Variants in NUP210 observed in about 807,000 individuals in gnomAD.
NUP210 encodes nucleoporin 210, also known as nuclear pore membrane glycoprotein 210.
In NUP210, 151 loss-of-function variants were observed where a neutral mutation model predicts 196.0. The ratio of observed to expected loss-of-function variants is 0.77; its 90% CI spans 0.67 to 0.88. The LOEUF (loss-of-function observed/expected upper bound fraction) is 0.88. NUP210 is among the 40% of genes least tolerant of loss of function. NUP210 has a pLI of 0.00. For synonymous variants in NUP210, 1,070 were observed against 1,052.7 expected (o/e 1.02, Z -0.32); for missense variants, 2,314 against 2,493.7 (o/e 0.93, Z 1.53).
rs1699507388 is a variant in NUP210 at position 13,392,025 on chromosome 3, C to T, written c.437-718G>A. ...CCCTCTGAGAGCCAGAAGCTGCTCGCCCTCTCTAGAAGGGGCCATGCCACA... is the reference window on the plus strand; with the variant it reads ...CCCTCTGAGAGCCAGAAGCTGCTCGTCCTCTCTAGAAGGGGCCATGCCACA... On this transcript the variant is annotated intron_variant, in intron 3 of 39. Coordinates refer to ENST00000254508, the MANE Select transcript of NUP210 (RefSeq NM_024923.4). 3.9e-5 allele frequency among the ~76,000 whole-genome samples: 6 copies of T among 152,270 alleles called. No homozygotes were observed. The South Asian group carries it at 1.2e-3, about 32-fold the overall frequency.
intron 9 of NUP210, 26 bp downstream of exon 9, chr3:13,377,430 C>A (rs778012400): frequency 1.7e-5 from 26 of 1,541,334 alleles, no homozygotes; most frequent in East Asian, 2.3e-5. Flanking sequence ...CTCATCCCCC[C>A]AGCCAGGACC....
intron 29 of NUP210, among the ~76,000 whole-genome samples, chr3:13,332,079 G>A (rs1697017967): frequency 6.6e-6 from 1 of 152,098 alleles, no homozygotes; most frequent in African/African-American, 2.4e-5. Flanking sequence ...TAGGCTACAA[G>A]GAGGAAAAAG....
At chr3:13,380,442 G>A (rs9310422) in intron 6 of NUP210, among the ~76,000 whole-genome samples, 94,729 of 152,098 alleles carry the variant, frequency 0.62, 31,094 homozygotes, top group African/African-American at 0.85. Flanking sequence ...CTGGGAACAC[G>A]CTACTGAGAG....
chr3:13,333,841 G>C (rs959051088), intron 28 of NUP210, among the ~76,000 whole-genome samples: 1 of 152,136 alleles, frequency 6.6e-6, no homozygotes, highest in African/African-American at 2.4e-5. Flanking sequence ...TTTAGATGGA[G>C]GGGGAGTTGT....
At chr3:13,399,265 CAAAAAAAAAA>C (rs35136269) in intron 2 of NUP210, among the ~76,000 whole-genome samples, 2 of 65,344 alleles carry the variant, frequency 3.1e-5, no homozygotes, top group African/African-American at 1.1e-4. Context: ...GACTCTGTCT[CAAAAAAAAAA>C]AAAAAAAAAA....
intron 25 of NUP210, 62 bp from the exon 26 acceptor site, chr3:13,337,979 A>G (rs374650184): frequency 2.0e-6 from 3 of 1,496,448 alleles, no homozygotes; most frequent in African/African-American, 2.8e-5. Flanking sequence ...TGTTTCAGGA[A>G]GGGACCCCTC....
At chr3:13,338,640 T>C (rs143750197) in intron 25 of NUP210, among the ~76,000 whole-genome samples, 16 of 152,350 alleles carry the variant, frequency 1.1e-4, no homozygotes, top group Admixed American at 2.0e-4. Context: ...GTGCTGGTTG[T>C]GTGCTCTGGA....
intron 3 of NUP210, among the ~76,000 whole-genome samples, chr3:13,393,234 C>A (rs1031666268): frequency 6.6e-6 from 1 of 152,132 alleles, no homozygotes; most frequent in Non-Finnish European, 1.5e-5. Flanking sequence ...CACAACGGTC[C>A]GCTTATGGAC....
intron 1 of NUP210, among the ~76,000 whole-genome samples, chr3:13,409,889 T>C (rs1245417971): frequency 1.3e-5 from 2 of 151,218 alleles, no homozygotes; most frequent in East Asian, 1.9e-4. Flanking sequence ...CAGGCTGGAG[T>C]GCAGTGGTAC....
Position 13,379,045 on chromosome 3 carries a change from G to C in NUP210, c.977-65C>G, listed in dbSNP as rs1441673120. On this transcript the variant is annotated intron_variant, in intron 7 of 39. Coordinates refer to ENST00000254508, the MANE Select transcript of NUP210 (RefSeq NM_024923.4). The surrounding 1 kb of genome is among the most constrained non-coding windows in gnomAD (Gnocchi z 4.2). The stretch of plus-strand genomic sequence containing the variant: ...TAAACCAGCTGGCTGGCCAGTTTCA[G>C]CTTGGCTCAGAATCCTGATCATCAA... 2 of 1,349,726 alleles carry C rather than the reference G, an allele frequency of 1.5e-6. No homozygotes were observed. Among genetic ancestry groups the C allele is most frequent in the Non-Finnish European group, 2.1e-6 (2 of 939,936 alleles). The allele number at this position is 1,349,726 out of a possible 1,614,324, so 83.6% of individuals were successfully genotyped here. A position where few individuals can be genotyped will look rare whatever the true frequency, so the allele number is the denominator to read the frequency against.
At chr3:13,388,081 T>A (rs550134500) in intron 5 of NUP210, among the ~76,000 whole-genome samples, 3 of 152,264 alleles carry the variant, frequency 2.0e-5, no homozygotes, top group African/African-American at 7.2e-5. Flanking sequence ...TATGCACCCC[T>A]AGAGATGCTT....
At chr3:13,378,579 A>G (rs1698999309) in intron 8 of NUP210, among the ~76,000 whole-genome samples, 1 of 152,232 alleles carries the variant, frequency 6.6e-6, no homozygotes, top group Admixed American at 6.5e-5. Context: ...TTGAGCTGAC[A>G]CTGGGCCCCA....
intron 1 of NUP210, among the ~76,000 whole-genome samples, chr3:13,400,410 A>G (rs1391844987): frequency 6.6e-6 from 1 of 152,224 alleles, no homozygotes; most frequent in East Asian, 1.9e-4. Flanking sequence ...TATTATAGCC[A>G]CAGTGGGGAG....
Position 13,378,988 on chromosome 3 carries a change from T to G in NUP210, c.977-8A>C. 1 of 1,613,302 alleles carries G rather than the reference T, an allele frequency of 6.2e-7. No individual in the cohort carries two copies. The highest frequency in any genetic ancestry group is 8.5e-7 in the Non-Finnish European group (1 of 1,179,342). ...CACCTTGCATGCGAATACCTGAATTTTGAATTAAGGGGCAAGACATATGAC... is the reference window on the plus strand; with the variant it reads ...CACCTTGCATGCGAATACCTGAATTGTGAATTAAGGGGCAAGACATATGAC... On this transcript the variant is annotated splice_polypyrimidine_tract_variant and splice_region_variant and intron_variant, in intron 7 of 39. Transcript: ENST00000254508.
Position 13,323,822 on chromosome 3 carries a change from CT to C in NUP210, c.4645-391del, listed in dbSNP as rs1487690906. 1.3e-5 allele frequency among the ~76,000 whole-genome samples: 2 copies of C among 152,166 alleles called. No homozygotes were observed. Among genetic ancestry groups the C allele is most frequent in the African/African-American group, 4.8e-5 (2 of 41,428 alleles). ...GCCCAGATTTTCCCAGCTGTTCCCC[CT>C]GTGCCCATCCTGTACCTGGCCACAC... On this transcript the variant is annotated intron_variant, in intron 33 of 39. Coordinates refer to ENST00000254508, the MANE Select transcript of NUP210 (RefSeq NM_024923.4). This position sits in a 1 kb window ranked among gnomAD's most constrained non-coding sequence, Gnocchi z 4.3.
At chr3:13,391,349 T>C (rs371019998) in intron 3 of NUP210, 42 bp from the exon 4 acceptor site, 65 of 1,374,086 alleles carry the variant, frequency 4.7e-5, no homozygotes, top group Non-Finnish European at 6.2e-5. Flanking sequence ...ATGGAGTTAA[T>C]TTCCCAGGGT....
intron 6 of NUP210, 134 bp downstream of exon 6, chr3:13,386,141 G>A (rs1699264966): frequency 9.9e-6 from 9 of 909,580 alleles, no homozygotes; most frequent in Middle Eastern, 4.5e-4. Context: ...CTGCAGAAGA[G>A]TGTGAATGTA....
At chr3:13,402,796 A>G (rs978052263) in intron 1 of NUP210, among the ~76,000 whole-genome samples, 5 of 152,246 alleles carry the variant, frequency 3.3e-5, no homozygotes, top group Admixed American at 2.6e-4. Flanking sequence ...AATAGAAAGT[A>G]TAGATTTCCC....
chr3:13,319,062 G>A lies in NUP210; in HGVS notation c.5563+10C>T, dbSNP rs767899212. The A allele has an allele frequency of 1.9e-6, 3 of 1,595,886 alleles. No homozygotes were observed. The highest frequency in any genetic ancestry group is 2.7e-5 in the African/African-American group (2 of 74,750). On this transcript the variant is annotated intron_variant, in intron 39 of 39. Transcript: ENST00000254508. The stretch of plus-strand genomic sequence containing the variant: ...CTCTGCCTGGTTGTGCCTGCAGGGG[G>A]GCTACTCACAGTGGGGGCTGTGTCC...
Sources: allele counts gnomAD v4.1 joint callset (sites outside exome capture counted in the v4.1 genomes callset), GRCh38; gene constraint gnomAD v4.1.1; non-coding constraint Gnocchi (gnomAD v3.1); transcripts MANE v1.5; gene names NCBI Gene and HGNC (gene_info 2026-07-23, HGNC 2026-07-21).